SEMA3F: variants seen among roughly 807,000 people sequenced by gnomAD.
SEMA3F encodes semaphorin-3F.
SEMA3F carries 30 observed loss-of-function variants against 98.5 expected under a neutral mutation model. The ratio of observed to expected loss-of-function variants is 0.30; its 90% CI spans 0.23 to 0.41. The LOEUF is 0.41. Ranked by LOEUF, SEMA3F falls within the 10% of genes least tolerant of loss-of-function variation. The probability of loss-of-function intolerance (pLI) is 1.00; values close to 1 mark genes in which losing one functional copy is unlikely to be tolerated. For synonymous variants in SEMA3F, 380 were observed against 444.8 expected (o/e 0.85, Z 1.83); for missense variants, 866 against 1,119.3 (o/e 0.77, Z 3.23).
intron 2 of SEMA3F, among the ~76,000 whole-genome samples, chr3:50,169,992 T>C (rs573543995): frequency 6.6e-6 from 1 of 152,082 alleles, no homozygotes; most frequent in East Asian, 1.9e-4. Context: ...TGCCTCATGG[T>C]GGAGTGGGGA....
intron 14 of SEMA3F, 28 bp downstream of exon 14, chr3:50,185,559 C>T (rs781422475): frequency 6.2e-7 from 1 of 1,612,512 alleles, no homozygotes; most frequent in South Asian, 1.1e-5. Flanking sequence ...CAGTCCTGAC[C>T]TCCCCACCTT....
chr3:50,182,094 G>A lies in SEMA3F; in HGVS notation c.644-190G>A, dbSNP rs570544428. ...AGAAATGGGCTATTGCTACTAATCA[G>A]AGCTGATAGTTACTAATCCCAACCC... On this transcript the variant is annotated intron_variant, in intron 7 of 18. Transcript: ENST00000002829. The surrounding 1 kb of genome is among the most constrained non-coding windows in gnomAD (Gnocchi z 4.5). Among the ~76,000 whole-genome samples the A allele has an allele frequency of 1.3e-5, 2 of 152,316 alleles. No individual in the cohort carries two copies. The highest frequency in any genetic ancestry group is 4.8e-5 in the African/African-American group (2 of 41,572).
chr3:50,184,578 C>G lies in SEMA3F; in HGVS notation c.1234-14C>G. The G allele has an allele frequency of 6.2e-7, 1 of 1,607,542 alleles. No individual in the cohort carries two copies. The highest frequency in any genetic ancestry group is 8.5e-7 in the Non-Finnish European group (1 of 1,176,080). Reference sequence around the variant, plus strand: ...CCAGGCAGCCTGGGACTGACACTCGCCACCTGTCCACAGTGCCCTGGTGGA... The same window carrying G: ...CCAGGCAGCCTGGGACTGACACTCGGCACCTGTCCACAGTGCCCTGGTGGA... On this transcript the variant is annotated splice_polypyrimidine_tract_variant and intron_variant, in intron 12 of 18. Transcript: ENST00000002829.
intron 6 of SEMA3F, among the ~76,000 whole-genome samples, chr3:50,176,233 G>A (rs926412511): frequency 7.9e-5 from 12 of 152,140 alleles, no homozygotes; most frequent in Non-Finnish European, 1.5e-4. Context: ...TCCATCCTGA[G>A]GACCACAGGT....
intron 1 of SEMA3F, among the ~76,000 whole-genome samples, chr3:50,157,880 A>C (rs1421668290): frequency 1.3e-5 from 2 of 152,118 alleles, no homozygotes; most frequent in African/African-American, 4.8e-5. Flanking sequence ...GGCGGGAGGC[A>C]GGTTGACAGG....
chr3:50,165,017 C>T (rs960567030), intron 2 of SEMA3F, among the ~76,000 whole-genome samples: 1 of 152,210 alleles, frequency 6.6e-6, no homozygotes, highest in Non-Finnish European at 1.5e-5. Context: ...GACTGCCTCA[C>T]CCCTTCCTCC....
rs1217743417 is a variant in SEMA3F at position 50,166,056 on chromosome 3, T to A, written c.112+6322T>A. Among the ~76,000 whole-genome samples, 1 of 152,040 alleles carries A rather than the reference T, an allele frequency of 6.6e-6. No homozygotes were observed. Among genetic ancestry groups the A allele is most frequent in the African/African-American group, 2.4e-5 (1 of 41,370 alleles). On this transcript the variant is annotated intron_variant, in intron 2 of 18. Transcript: ENST00000002829. The surrounding 1 kb of genome is among the most constrained non-coding windows in gnomAD (Gnocchi z 4.7). ...CCAAAGCAACCGGCCCCTCCAGGGA[T>A]CAGGAAGCCTCAGCTCCGGATCCCC...
rs1432480628 is a variant in SEMA3F, at chr3:50,160,841, G to A, written c.112+1107G>A. 3.3e-5 allele frequency among the ~76,000 whole-genome samples: 5 copies of A among 152,320 alleles called. No individual in the cohort carries two copies. The Middle Eastern group carries it at 0.01, about 311-fold the overall frequency. On this transcript the variant is annotated intron_variant, in intron 2 of 18. Coordinates refer to ENST00000002829, the MANE Select transcript of SEMA3F (RefSeq NM_004186.5). Reference sequence around the variant, plus strand: ...CCCACCCTGCCCCTTGATGGGAGGAGTAGGGGAGTAAGCTGCTTATCATCA... The same window carrying A: ...CCCACCCTGCCCCTTGATGGGAGGAATAGGGGAGTAAGCTGCTTATCATCA...
At position 50,156,724 on chromosome 3, in the gene SEMA3F, C is replaced by T. The variant is rs1698000328; in HGVS notation, c.-49+1160C>T. 6.6e-6 allele frequency among the ~76,000 whole-genome samples: 1 copy of T among 152,186 alleles called. No individual in the cohort carries two copies. Among genetic ancestry groups the T allele is most frequent in the South Asian group, 2.1e-4 (1 of 4,832 alleles). On this transcript the variant is annotated intron_variant, in intron 1 of 18. Transcript: ENST00000002829. The surrounding 1 kb of genome is among the most constrained non-coding windows in gnomAD (Gnocchi z 4.5). ...GGCATGCCTACTCCTGCTGCTCCCC[C>T]TTCAGCTCCGAAGGAGCCAGGCCCG...
chr3:50,176,104 A>C (rs1575396520), intron 6 of SEMA3F, among the ~76,000 whole-genome samples: 1 of 152,020 alleles, frequency 6.6e-6, no homozygotes, highest in Admixed American at 6.5e-5. Context: ...GCTGGGAGGC[A>C]CAGGGGGCTT....
rs776647310 is a variant in SEMA3F at position 50,184,830 on chromosome 3, C to T, written c.1456+16C>T. On this transcript the variant is annotated intron_variant, in intron 13 of 18. Coordinates refer to ENST00000002829, the MANE Select transcript of SEMA3F (RefSeq NM_004186.5). ...CTGGGCACAGGTACCCACTGCTGCT[C>T]CCGGCCTCTCCCACGCTGGGCCCAC... 6.3e-7 allele frequency: 1 copy of T among 1,597,460 alleles called. No individual in the cohort carries two copies. The highest frequency in any genetic ancestry group is 8.6e-7 in the Non-Finnish European group (1 of 1,167,972).
At chr3:50,161,571 C>T (rs923224602) in intron 2 of SEMA3F, among the ~76,000 whole-genome samples, 3 of 152,240 alleles carry the variant, frequency 2.0e-5, no homozygotes, top group African/African-American at 7.2e-5. Context: ...TGGGGCCACC[C>T]ATCCCAGGGC....
rs773435179 is a variant in SEMA3F at position 50,183,440 on chromosome 3, C to T, written c.1109C>T (p.Ala370Val). 1.2e-6 allele frequency: 2 copies of T among 1,614,102 alleles called. No individual in the cohort carries two copies. Among genetic ancestry groups the T allele is most frequent in the East Asian group, 2.2e-5 (1 of 44,886 alleles). ...CACAGCTCCGTGTTCCGAGGCTCTGCCGTGTGTGTCTACTCCATGGCTGAT... is the reference window on the plus strand; with the variant it reads ...CACAGCTCCGTGTTCCGAGGCTCTGTCGTGTGTGTCTACTCCATGGCTGAT... The part of the protein sequence containing the change: ...TSSGSVFRGS[A>V]VCVYSMADIR... Residue 370 changes from alanine (A) to valine (V), a missense_variant, in exon 12 of 19, where the codon GCC becomes GTC. Physicochemically the swap from Ala to Val is moderately conservative, Grantham distance 64. This residue lies in a region of SEMA3F where 374 missense variants were observed against 582.8 expected (regional missense o/e 0.64). Coordinates refer to ENST00000002829, the MANE Select transcript of SEMA3F (RefSeq NM_004186.5).
Position 50,182,297 on chromosome 3 carries a change from T to C in SEMA3F, c.657T>C (p.Tyr219=). Residue 219 remains tyrosine, a synonymous_variant, in exon 8 of 19, where the codon TAT becomes TAC. Coordinates refer to ENST00000002829, the MANE Select transcript of SEMA3F (RefSeq NM_004186.5). The surrounding 1 kb of genome is among the most constrained non-coding windows in gnomAD (Gnocchi z 4.5). The part of the protein sequence containing the change: ...TASALINEEL[Y]AGVYIDFMGT... ...GCCTACCCACAGATGAGGAGCTCTA[T>C]GCTGGTGTGTACATCGATTTTATGG... The C allele has an allele frequency of 6.2e-7, 1 of 1,614,128 alleles. No individual in the cohort carries two copies. Among genetic ancestry groups the C allele is most frequent in the Non-Finnish European group, 8.5e-7 (1 of 1,180,032 alleles).
At chr3:50,161,205 GTGT>G (rs1444586660) in intron 2 of SEMA3F, among the ~76,000 whole-genome samples, 1 of 152,182 alleles carries the variant, frequency 6.6e-6, no homozygotes, top group African/African-American at 2.4e-5. Context: ...TCCGCTCTGG[GTGT>G]TGTTTTTGTC....
intron 13 of SEMA3F, 55 bp from the exon 14 acceptor site, chr3:50,185,388 G>A (rs1490687047): frequency 6.7e-7 from 1 of 1,495,192 alleles, no homozygotes; most frequent in Non-Finnish European, 9.2e-7. Context: ...GCTGAGGCTG[G>A]TACCCCTTCC....
At chr3:50,175,553 G>A (rs575074968) in intron 6 of SEMA3F, among the ~76,000 whole-genome samples, 2 of 152,350 alleles carry the variant, frequency 1.3e-5, no homozygotes, top group Admixed American at 1.3e-4. Context: ...GCACATGAGT[G>A]CAGTCTGACA....
chr3:50,170,276 G>A (rs1014399202), intron 2 of SEMA3F, among the ~76,000 whole-genome samples: 2 of 152,068 alleles, frequency 1.3e-5, no homozygotes, highest in African/African-American at 4.8e-5. Flanking sequence ...TTGGGATTTA[G>A]CTCTATTCCT....
intron 2 of SEMA3F, among the ~76,000 whole-genome samples, chr3:50,168,698 A>G (rs999231766): frequency 6.6e-6 from 1 of 152,056 alleles, no homozygotes; most frequent in African/African-American, 2.4e-5. Context: ...GGGGCTCCTC[A>G]CAGCTTTGGG....
Sources: gnomAD v4.1 joint callset for allele counts (sites outside exome capture counted in the v4.1 genomes callset) on GRCh38, gnomAD v4.1.1 for gene constraint, gnomAD v4.1.1 regional missense constraint, Gnocchi (gnomAD v3.1) non-coding constraint, MANE v1.5 for transcripts, NCBI Gene and HGNC (gene_info 2026-07-23, HGNC 2026-07-21) for gene names.